The following TMED10 variants were observed in gnomAD, a reference collection of about 807,000 sequenced individuals.
TMED10 encodes the protein transmembrane p24 trafficking protein 10, also known as transmembrane emp24 domain-containing protein 10.
TMED10 carries 7 observed loss-of-function variants against 23.1 expected under a neutral mutation model. The observed-to-expected ratio is 0.30, with a 90% CI of 0.17 to 0.57. TMED10 has a LOEUF of 0.57. Among genes scored for constraint, TMED10 ranks in the 20% least tolerant of loss-of-function variants. TMED10 has a pLI of 0.91. For synonymous variants in TMED10, 113 were observed against 106.9 expected, an observed-to-expected ratio of 1.06 and a Z score of -0.35; for missense variants, 162 against 274.8, an observed-to-expected ratio of 0.59 and a Z score of 2.90.
intron 3 of TMED10, among the ~76,000 whole-genome samples, chr14:75,140,513 G>A (rs79906579): frequency 1.3e-5 from 2 of 152,036 alleles, no homozygotes; most frequent in African/African-American, 4.8e-5. Context: ...TTTGAGACCA[G>A]CCTGGCCAAC....
chr14:75,147,647 G>C lies in TMED10; in HGVS notation c.411+17C>G. 2 of 1,613,872 alleles carry C rather than the reference G, an allele frequency of 1.2e-6. No individual in the cohort carries two copies. Among genetic ancestry groups the C allele is most frequent in the Non-Finnish European group, 1.7e-6 (2 of 1,179,812 alleles). ...TAGCACACTGCTGCCTCCTCTGGCTGTTAGAGCAGGACATACCTCTTCGTA... is the reference window on the plus strand; with the variant it reads ...TAGCACACTGCTGCCTCCTCTGGCTCTTAGAGCAGGACATACCTCTTCGTA... On this transcript the variant is annotated intron_variant, in intron 3 of 4. Transcript: ENST00000303575.
intron 4 of TMED10, 117 bp from the exon 5 acceptor site, chr14:75,135,123 A>C (rs1169790290): frequency 7.6e-7 from 1 of 1,313,796 alleles, no homozygotes; most frequent in Admixed American, 2.2e-5. Flanking sequence ...CCTAGGTCTA[A>C]CAGTAGGATT....
chr14:75,171,155 GA>G (rs1430128386), intron 1 of TMED10, among the ~76,000 whole-genome samples: 1 of 152,078 alleles, frequency 6.6e-6, no homozygotes, highest in Non-Finnish European at 1.5e-5. Context: ...GTAAGAGAAT[GA>G]GATGAGATGA....
intron 1 of TMED10, among the ~76,000 whole-genome samples, chr14:75,163,024 C>T (rs1003743098): frequency 2.0e-5 from 3 of 151,738 alleles, no homozygotes; most frequent in Admixed American, 6.6e-5. Context: ...CACTTGAGTC[C>T]AGGAATTTGA....
At chr14:75,171,704 G>C (rs1262518008) in intron 1 of TMED10, among the ~76,000 whole-genome samples, 1 of 152,222 alleles carries the variant, frequency 6.6e-6, no homozygotes, top group East Asian at 1.9e-4. Flanking sequence ...ACATGGCTCT[G>C]CCAAAACCCT....
At chr14:75,169,336 C>A (rs1896201235) in intron 1 of TMED10, among the ~76,000 whole-genome samples, 1 of 152,186 alleles carries the variant, frequency 6.6e-6, no homozygotes, top group East Asian at 1.9e-4. Flanking sequence ...GTCAGATTAA[C>A]CAAGGCACTA....
chr14:75,163,635 CT>C (rs1896113430), intron 1 of TMED10, among the ~76,000 whole-genome samples: 1 of 149,232 alleles, frequency 6.7e-6, no homozygotes, highest in Non-Finnish European at 1.5e-5. Flanking sequence ...CAACATAGTA[CT>C]TTTAAGATGG....
chr14:75,132,655 A>G lies in TMED10; in HGVS notation c.*2230T>C, dbSNP rs538575091. The G allele has an allele frequency of 5.9e-5, 9 of 152,324 alleles. No homozygotes were observed. The highest frequency in any genetic ancestry group is 1.9e-4 in the African/African-American group (8 of 41,594). 9.4% of individuals were successfully genotyped at this position (152,324 alleles called of 1,614,324 possible). A position where few individuals can be genotyped will look rare whatever the true frequency, so the allele number is the denominator to read the frequency against. On this transcript the variant is annotated 3_prime_UTR_variant, in exon 5 of 5. Coordinates refer to ENST00000303575, the MANE Select transcript of TMED10 (RefSeq NM_006827.6). Reference sequence around the variant, plus strand: ...ACACAAGGAGTCAAAAGGGGGAAAAAAAAAGTTTGGGTTCATAGTAGCAGG... The same window carrying G: ...ACACAAGGAGTCAAAAGGGGGAAAAGAAAAGTTTGGGTTCATAGTAGCAGG...
rs1011310876 is a variant in TMED10, at chr14:75,135,550, T to C, written c.538+210A>G. ...TGTGGGTATAGACTAATTGAGGATG[T>C]TGTCACCTGCCTATCACAGTAGGAG... On this transcript the variant is annotated intron_variant, in intron 4 of 4. Coordinates refer to ENST00000303575, the MANE Select transcript of TMED10 (RefSeq NM_006827.6). The C allele has an allele frequency of 1.2e-4, 71 of 569,930 alleles. 1 individual carries two copies. The highest frequency in any genetic ancestry group is 2.0e-4 in the Non-Finnish European group (67 of 335,978). The allele number at this position is 569,930 out of a possible 1,614,324, so 35.3% of individuals were successfully genotyped here. A position where few individuals can be genotyped will look rare whatever the true frequency, so the allele number is the denominator to read the frequency against.
chr14:75,137,091 AC>A (rs1792290077), intron 3 of TMED10, among the ~76,000 whole-genome samples: 1 of 150,798 alleles, frequency 6.6e-6, no homozygotes, highest in Non-Finnish European at 1.5e-5. Flanking sequence ...GCTCACTGCA[AC>A]CTCTGCCTCC....
chr14:75,153,121 CAA>C (rs1039500569), intron 1 of TMED10, among the ~76,000 whole-genome samples: 1 of 149,500 alleles, frequency 6.7e-6, no homozygotes, highest in African/African-American at 2.5e-5. Flanking sequence ...GATTCTGTCT[CAA>C]AAAAAAAGTG....
In TMED10 at chr14:75,171,592, T is replaced by C. The variant is rs185604847; in HGVS notation, c.225+4763A>G. ...ACCGCGCCCAGCCTGGCTTTAAAGA[T>C]GGAGGAAGGAGATATGAGCCAAAGA... On this transcript the variant is annotated intron_variant, in intron 1 of 4. Transcript: ENST00000303575. Among the ~76,000 whole-genome samples the C allele has an allele frequency of 4.2e-3, 481 of 115,478 alleles. 14 individuals are homozygous for C. Among genetic ancestry groups the C allele is most frequent in the Admixed American group, 0.034 (405 of 12,054 alleles). The allele number at this position is 115,478 out of a possible 152,430, so 75.8% of individuals were successfully genotyped here.
chr14:75,165,074 T>G (rs773347788), intron 1 of TMED10, among the ~76,000 whole-genome samples: 2 of 152,074 alleles, frequency 1.3e-5, no homozygotes, highest in Admixed American at 6.6e-5. Context: ...GGATTGAGGT[T>G]GCATATATAA....
intron 2 of TMED10, among the ~76,000 whole-genome samples, chr14:75,148,885 A>T (rs1895920598): frequency 6.6e-6 from 1 of 152,228 alleles, no homozygotes; most frequent in Non-Finnish European, 1.5e-5. Context: ...CAGTGTTGAG[A>T]GGTAAAACCT....
At chr14:75,144,977 A>G (rs1471513668) in intron 3 of TMED10, among the ~76,000 whole-genome samples, 2 of 152,196 alleles carry the variant, frequency 1.3e-5, no homozygotes, top group African/African-American at 2.4e-5. Context: ...GCCATTTCTA[A>G]GCAAGGTTCA....
In TMED10 at chr14:75,132,898, T is replaced by A. The variant is rs1228325347; in HGVS notation, c.*1987A>T. On this transcript the variant is annotated 3_prime_UTR_variant, in exon 5 of 5. Coordinates refer to ENST00000303575, the MANE Select transcript of TMED10 (RefSeq NM_006827.6). ...ACGGAAAGGATAAACTCCTACCTAC[T>A]TTCTTGGGAGATGTGGGAAAGATTT... The A allele has an allele frequency of 6.6e-6, 1 of 152,470 alleles. No homozygotes were observed. Among genetic ancestry groups the A allele is most frequent in the Non-Finnish European group, 1.5e-5 (1 of 68,046 alleles). The allele number at this position is 152,470 out of a possible 1,614,324, so 9.4% of individuals were successfully genotyped here.
chr14:75,147,383 T>C (rs1895899721), intron 3 of TMED10, among the ~76,000 whole-genome samples: 1 of 152,020 alleles, frequency 6.6e-6, no homozygotes, highest in Non-Finnish European at 1.5e-5. Context: ...TAGTAGAAAC[T>C]TGGTGTCACC....
intron 1 of TMED10, among the ~76,000 whole-genome samples, chr14:75,155,205 T>C (rs1235343404): frequency 6.6e-6 from 1 of 152,094 alleles, no homozygotes; most frequent in Admixed American, 6.6e-5. Context: ...GTGATCCGCC[T>C]GCCTTGGCTT....
intron 1 of TMED10, among the ~76,000 whole-genome samples, chr14:75,165,896 A>G (rs74699447): frequency 0.027 from 4,120 of 151,990 alleles, 215 homozygotes; most frequent in African/African-American, 0.094. Context: ...CACTGGCATG[A>G]TAATGGATAG....
Sources: gnomAD v4.1 joint callset for allele counts (sites outside exome capture counted in the v4.1 genomes callset) on GRCh38, gnomAD v4.1.1 for gene constraint, MANE v1.5 for transcripts, NCBI Gene and HGNC (gene_info 2026-07-23, HGNC 2026-07-21) for gene names.